Variants in SYNGR1 observed in about 807,000 individuals in gnomAD.
The protein encoded by SYNGR1 is synaptogyrin 1.
SYNGR1 carries 14 observed loss-of-function variants against 26.1 expected under a neutral mutation model. The observed-to-expected ratio is 0.54, with a 90% CI of 0.35 to 0.84. SYNGR1 has a LOEUF of 0.84. Ranked by LOEUF, SYNGR1 falls within the 40% of genes least tolerant of loss-of-function variation. The pLI is 0.01. For synonymous variants in SYNGR1, 141 were observed against 150.1 expected (o/e 0.94, Z 0.44); for missense variants, 319 against 332.9 (o/e 0.96, Z 0.33).
intron 3 of SYNGR1, among the ~76,000 whole-genome samples, chr22:39,376,682 A>G (rs1925300512): frequency 6.6e-6 from 1 of 152,184 alleles, no homozygotes; most frequent in Non-Finnish European, 1.5e-5. Flanking sequence ...TGGGGGACAC[A>G]GGTGTCGACA....
chr22:39,357,390 C>G lies in SYNGR1; in HGVS notation c.99+7281C>G, dbSNP rs111659885. On this transcript the variant is annotated intron_variant, in intron 1 of 3. Transcript: ENST00000328933. ...GTGACAGCATGCTGTCCTCACAGCC[C>G]TCACTTGCTCTCGGCTCCTCCTCTG... 9.1e-3 allele frequency among the ~76,000 whole-genome samples: 1,387 copies of G among 152,320 alleles called. 12 individuals carry two copies. The highest frequency in any genetic ancestry group is 0.016 in the Non-Finnish European group (1,080 of 68,032).
intron 3 of SYNGR1, among the ~76,000 whole-genome samples, chr22:39,380,302 A>C (rs1925455374): frequency 6.6e-6 from 1 of 152,220 alleles, no homozygotes; most frequent in African/African-American, 2.4e-5. Context: ...GTTCAGCAGC[A>C]GGTGACCGAA....
intron 1 of SYNGR1, among the ~76,000 whole-genome samples, chr22:39,355,246 G>C (rs715505): frequency 0.22 from 33,913 of 152,186 alleles, 5,334 homozygotes; most frequent in East Asian, 0.78. Context: ...TGGAGAGAGG[G>C]TCAAGGGTAT....
intron 1 of SYNGR1, among the ~76,000 whole-genome samples, chr22:39,358,456 C>G (rs1373564867): frequency 6.6e-6 from 1 of 152,212 alleles, no homozygotes; most frequent in African/African-American, 2.4e-5. Flanking sequence ...ACTGCTCACT[C>G]TTTGGGTCCA....
intron 2 of SYNGR1, chr22:39,375,673 C>T (rs574498307): frequency 2.6e-5 from 15 of 568,264 alleles, no homozygotes; most frequent in African/African-American, 2.6e-4. Context: ...CCGGGGGGGC[C>T]CACGTCAGCG....
chr22:39,359,004 C>A (rs1209902979), intron 1 of SYNGR1, among the ~76,000 whole-genome samples: 1 of 152,246 alleles, frequency 6.6e-6, no homozygotes, highest in East Asian at 1.9e-4. Context: ...GGAGCTTTAA[C>A]AAGTTGGGGC....
intron 1 of SYNGR1, among the ~76,000 whole-genome samples, chr22:39,357,434 C>T (rs1924194032): frequency 6.6e-6 from 1 of 152,164 alleles, no homozygotes; most frequent in Non-Finnish European, 1.5e-5. Context: ...CCTACTTTGG[C>T]GGCATTTGAG....
At chr22:39,361,781 G>A (rs1184807128) in intron 1 of SYNGR1, among the ~76,000 whole-genome samples, 1 of 152,104 alleles carries the variant, frequency 6.6e-6, no homozygotes, top group Non-Finnish European at 1.5e-5. Context: ...TAGCCCTGAA[G>A]GGCTCTGCAG....
chr22:39,365,002 T>C (rs1235381800), intron 1 of SYNGR1, among the ~76,000 whole-genome samples: 3 of 152,194 alleles, frequency 2.0e-5, no homozygotes, highest in Non-Finnish European at 4.4e-5. Context: ...TTGATGCCTT[T>C]TTTTAGCGTT....
chr22:39,356,929 C>T (rs778238338), intron 1 of SYNGR1, among the ~76,000 whole-genome samples: 22 of 152,218 alleles, frequency 1.4e-4, no homozygotes, highest in South Asian at 1.0e-3. Context: ...TAGTGGACTC[C>T]AGGTTGGGAA....
At chr22:39,358,730 A>G (rs934616959) in intron 1 of SYNGR1, among the ~76,000 whole-genome samples, 1 of 152,184 alleles carries the variant, frequency 6.6e-6, no homozygotes, top group Non-Finnish European at 1.5e-5. Context: ...ACACTCACCG[A>G]GAGGGTCCGC....
Position 39,383,783 on chromosome 22 carries a change from C to T in SYNGR1, c.*1869C>T, listed in dbSNP as rs997752587. 3 of 152,302 alleles carry T rather than the reference C, an allele frequency of 2.0e-5. No homozygotes were observed. Among genetic ancestry groups the T allele is most frequent in the Non-Finnish European group, 4.4e-5 (3 of 68,094 alleles). The allele number at this position is 152,302 out of a possible 1,614,324, so 9.4% of individuals were successfully genotyped here. A position where few individuals can be genotyped will look rare whatever the true frequency, so the allele number is the denominator to read the frequency against. ...GAGTTAAGGGAAAGAGGAGGAAGTC[C>T]TAAGCAGAGAAGTAGCACCATTATC... On this transcript the variant is annotated 3_prime_UTR_variant, in exon 4 of 4. Transcript: ENST00000328933.
chr22:39,364,007 C>T (rs1342311416), intron 1 of SYNGR1, among the ~76,000 whole-genome samples: 3 of 152,184 alleles, frequency 2.0e-5, no homozygotes. Context: ...ATCTCAGCCA[C>T]CCCCATGCTG....
At chr22:39,379,188 A>G (rs1925415320) in intron 3 of SYNGR1, among the ~76,000 whole-genome samples, 1 of 152,196 alleles carries the variant, frequency 6.6e-6, no homozygotes, top group Non-Finnish European at 1.5e-5. Flanking sequence ...TCATGCTAAC[A>G]TAGTGGGAAA....
Position 39,352,997 on chromosome 22 carries a change from G to A in SYNGR1, c.99+2888G>A, listed in dbSNP as rs1249343188. 3.9e-5 allele frequency among the ~76,000 whole-genome samples: 6 copies of A among 152,238 alleles called. No individual in the cohort carries two copies. In the East Asian group the frequency reaches 9.7e-4, roughly 24 times the overall value. On this transcript the variant is annotated intron_variant, in intron 1 of 3. Transcript: ENST00000328933. ...CTGCCTCGGCCTCCCAAGTAGCTGG[G>A]ACTACAGGCACACACCACCACGCCC...
Position 39,365,106 on chromosome 22 carries a change from C to T in SYNGR1, c.100-9210C>T, listed in dbSNP as rs566246729. ...CCCTCCATCCTCCCCTGTTTCTGGG[C>T]CTCTGGCTCTGCCTCTGAAGACCTG... On this transcript the variant is annotated intron_variant, in intron 1 of 3. Transcript: ENST00000328933. 9.8e-5 allele frequency among the ~76,000 whole-genome samples: 15 copies of T among 152,308 alleles called. No individual in the cohort carries two copies. In the East Asian group the frequency reaches 2.9e-3, roughly 29 times the overall value.
chr22:39,354,627 G>A (rs892031014), intron 1 of SYNGR1, among the ~76,000 whole-genome samples: 1 of 152,194 alleles, frequency 6.6e-6, no homozygotes, highest in African/African-American at 2.4e-5. Context: ...ATCACTTGAG[G>A]TCAGGAGTTC....
At chr22:39,369,654 A>G (rs1048246143) in intron 1 of SYNGR1, among the ~76,000 whole-genome samples, 1 of 152,190 alleles carries the variant, frequency 6.6e-6, no homozygotes, top group African/African-American at 2.4e-5. Context: ...CAACAGTGCC[A>G]CCTTCTCTTT....
chr22:39,366,536 C>G (rs1470084528), intron 1 of SYNGR1, among the ~76,000 whole-genome samples: 2 of 152,078 alleles, frequency 1.3e-5, no homozygotes, highest in African/African-American at 4.8e-5. Flanking sequence ...ATCCCAGCTA[C>G]TCAGGAGGCT....
Sources: gnomAD v4.1 joint callset for allele counts (sites outside exome capture counted in the v4.1 genomes callset) on GRCh38, gnomAD v4.1.1 for gene constraint, MANE v1.5 for transcripts, NCBI Gene and HGNC (gene_info 2026-07-23, HGNC 2026-07-21) for gene names.